The following PLXDC2 variants were observed in gnomAD, a reference collection of about 807,000 sequenced individuals.
PLXDC2 encodes plexin domain-containing protein 2.
PLXDC2 carries 40 observed loss-of-function variants against 68.9 expected under a neutral mutation model. That is an observed-to-expected ratio of 0.58 (90% CI 0.45 to 0.76). The LOEUF is 0.76. Among genes scored for constraint, PLXDC2 ranks in the 30% least tolerant of loss-of-function variants. The pLI is 0.00. For missense variants in PLXDC2, 644 were observed against 661.9 expected, an observed-to-expected ratio of 0.97 and a Z score of 0.30; for synonymous variants, 243 against 234.2, an observed-to-expected ratio of 1.04 and a Z score of -0.34.
At chr10:20,175,767 G>A (rs1834518534) in intron 7 of PLXDC2, among the ~76,000 whole-genome samples, 2 of 152,156 alleles carry the variant, frequency 1.3e-5, no homozygotes, top group South Asian at 4.1e-4. Context: ...AGGATGTCCA[G>A]GCTGCATTGA....
chr10:20,221,685 A>G (rs1835214289), intron 12 of PLXDC2, among the ~76,000 whole-genome samples: 1 of 152,210 alleles, frequency 6.6e-6, no homozygotes, highest in African/African-American at 2.4e-5. Flanking sequence ...TTTAAATCTA[A>G]CTTCATTATT....
chr10:19,817,339 C>T (rs1836372243), intron 1 of PLXDC2, 148 bp downstream of exon 1: 1 of 694,050 alleles, frequency 1.4e-6, no homozygotes, highest in Non-Finnish European at 2.4e-6. Context: ...CTTAGGCTTC[C>T]CAAATGGGGA....
At chr10:20,147,994 T>A in intron 6 of PLXDC2, 92 bp downstream of exon 6, 1 of 876,836 alleles carries the variant, frequency 1.1e-6, no homozygotes, top group Non-Finnish European at 1.9e-6. Context: ...TTTACAGCCA[T>A]GATCCTCAAA....
intron 1 of PLXDC2, among the ~76,000 whole-genome samples, chr10:19,899,204 C>T (rs747369042): frequency 1.3e-5 from 2 of 152,104 alleles, no homozygotes; most frequent in African/African-American, 2.4e-5. Context: ...CCTCTCAGAC[C>T]AGTTGTTTAT....
At chr10:20,181,082 A>G (rs1834597194) in intron 9 of PLXDC2, among the ~76,000 whole-genome samples, 1 of 152,100 alleles carries the variant, frequency 6.6e-6, no homozygotes, top group South Asian at 2.1e-4. Context: ...AGCAGAGTTA[A>G]TAGTGATGAG....
At chr10:19,958,130 G>A (rs1005472772) in intron 1 of PLXDC2, among the ~76,000 whole-genome samples, 1 of 151,872 alleles carries the variant, frequency 6.6e-6, no homozygotes, top group Non-Finnish European at 1.5e-5. Context: ...GAAAATTGTT[G>A]TTTCTATGTA....
chr10:19,917,889 T>G (rs1344227938), intron 1 of PLXDC2, among the ~76,000 whole-genome samples: 1 of 152,174 alleles, frequency 6.6e-6, no homozygotes, highest in African/African-American at 2.4e-5. Context: ...GATCAGTTTT[T>G]CCTCATGTTA....
intron 1 of PLXDC2, among the ~76,000 whole-genome samples, chr10:19,998,917 T>A (rs1834883723): frequency 6.6e-6 from 1 of 152,194 alleles, no homozygotes; most frequent in Non-Finnish European, 1.5e-5. Flanking sequence ...TGTTTCCTAA[T>A]AATCTTACTA....
chr10:20,269,922 G>A (rs1436410706), intron 13 of PLXDC2, among the ~76,000 whole-genome samples: 2 of 152,086 alleles, frequency 1.3e-5, no homozygotes, highest in African/African-American at 2.4e-5. Context: ...GGAGGCTGAG[G>A]CAGGAGAATC....
intron 13 of PLXDC2, among the ~76,000 whole-genome samples, chr10:20,263,092 A>T (rs1835829433): frequency 6.6e-6 from 1 of 152,222 alleles, no homozygotes; most frequent in South Asian, 2.1e-4. Context: ...TAATCACATT[A>T]CCTAACTTCA....
At chr10:20,261,172 T>C (rs1487983023) in intron 13 of PLXDC2, among the ~76,000 whole-genome samples, 1 of 152,228 alleles carries the variant, frequency 6.6e-6, no homozygotes, top group Admixed American at 6.5e-5. Flanking sequence ...ACTTGTTTGC[T>C]GTATAGAAGC....
chr10:20,254,404 G>C (rs986836598), intron 13 of PLXDC2, among the ~76,000 whole-genome samples: 2 of 152,166 alleles, frequency 1.3e-5, no homozygotes, highest in African/African-American at 4.8e-5. Flanking sequence ...GACGCGATCT[G>C]TGGACAAACC....
intron 1 of PLXDC2, among the ~76,000 whole-genome samples, chr10:19,843,340 A>G (rs1209809637): frequency 2.0e-5 from 3 of 152,264 alleles, no homozygotes; most frequent in South Asian, 2.1e-4. Flanking sequence ...TCCAATATCG[A>G]TTTATTCTCA....
intron 1 of PLXDC2, among the ~76,000 whole-genome samples, chr10:19,949,706 T>A (rs1022742641): frequency 2.0e-5 from 3 of 152,218 alleles, no homozygotes; most frequent in Non-Finnish European, 2.9e-5. Flanking sequence ...TGGGTCTACA[T>A]GTACACTGGG....
At position 19,869,473 on chromosome 10, in the gene PLXDC2, G is replaced by T. The variant is rs565470909; in HGVS notation, c.112+52282G>T. 4.7e-5 allele frequency among the ~76,000 whole-genome samples: 6 copies of T among 127,592 alleles called. 1 individual carries two copies. Among genetic ancestry groups the T allele is most frequent in the African/African-American group, 8.6e-5 (3 of 34,764 alleles). 83.7% of individuals were successfully genotyped at this position (127,592 alleles called of 152,430 possible). The stretch of plus-strand genomic sequence containing the variant: ...AGAGAAAGAGAGAGAGAGAAAGGGG[G>T]GGGGGGGAGAGGGTGGGAGGGAGGG... On this transcript the variant is annotated intron_variant, in intron 1 of 13. Coordinates refer to ENST00000377252, the MANE Select transcript of PLXDC2 (RefSeq NM_032812.9).
intron 9 of PLXDC2, among the ~76,000 whole-genome samples, chr10:20,207,592 C>T (rs1014285738): frequency 6.6e-6 from 1 of 152,152 alleles, no homozygotes; most frequent in Admixed American, 6.6e-5. Context: ...GATACATCCC[C>T]ATCTTCCAAA....
intron 1 of PLXDC2, among the ~76,000 whole-genome samples, chr10:19,897,370 G>A (rs951617432): frequency 6.6e-6 from 1 of 152,030 alleles, no homozygotes; most frequent in Non-Finnish European, 1.5e-5. Flanking sequence ...CTCCCCAGTA[G>A]CTGGGATTAT....
At chr10:20,061,105 C>T (rs1836094806) in intron 3 of PLXDC2, among the ~76,000 whole-genome samples, 1 of 152,196 alleles carries the variant, frequency 6.6e-6, no homozygotes, top group South Asian at 2.1e-4. Flanking sequence ...CTTATATACT[C>T]GTGGTACCAT....
intron 1 of PLXDC2, among the ~76,000 whole-genome samples, chr10:19,851,909 G>A (rs1251181013): frequency 6.6e-6 from 1 of 152,140 alleles, no homozygotes; most frequent in Non-Finnish European, 1.5e-5. Context: ...CCAGCAGATG[G>A]TGATAGTAAG....
Sources: allele counts gnomAD v4.1 joint callset (sites outside exome capture counted in the v4.1 genomes callset), GRCh38; gene constraint gnomAD v4.1.1; transcripts MANE v1.5; gene names NCBI Gene and HGNC (gene_info 2026-07-23, HGNC 2026-07-21).